The following NRXN1 variants were observed in gnomAD, a reference collection of about 807,000 sequenced individuals.
The protein encoded by NRXN1 is neurexin 1.
In NRXN1, 39 loss-of-function variants were observed where a neutral mutation model predicts 150.9. The observed-to-expected ratio is 0.26, with a 90% confidence interval of 0.20 to 0.34. The LOEUF is 0.34. Ranked by LOEUF, NRXN1 falls within the 10% of genes least tolerant of loss-of-function variation. The pLI, the probability that NRXN1 is intolerant of heterozygous loss-of-function variation, is 1.00. For missense variants in NRXN1, 1,815 were observed against 1,949.9 expected (o/e 0.93, Z 1.30); for synonymous variants, 924 against 757.0 (o/e 1.22, Z -3.62).
intron 5 of NRXN1, among the ~76,000 whole-genome samples, chr2:50,842,998 C>A (rs374199314): frequency 6.6e-6 from 1 of 152,132 alleles, no homozygotes; most frequent in Admixed American, 6.5e-5. Context: ...GAATCCAAAT[C>A]ATTTACAGAT....
At chr2:50,025,236 G>A (rs1431286660) in intron 21 of NRXN1, among the ~76,000 whole-genome samples, 1 of 152,136 alleles carries the variant, frequency 6.6e-6, no homozygotes, top group Non-Finnish European at 1.5e-5. Context: ...CCTTTTAACT[G>A]CATATTCCTA....
At chr2:50,767,606 C>A (rs1051330258) in intron 5 of NRXN1, among the ~76,000 whole-genome samples, 1 of 152,030 alleles carries the variant, frequency 6.6e-6, no homozygotes, top group Admixed American at 6.6e-5. Flanking sequence ...TTGAGAAGGT[C>A]ATAGTCAAGT....
chr2:50,391,459 T>C (rs1043215253), intron 17 of NRXN1, among the ~76,000 whole-genome samples: 1 of 152,180 alleles, frequency 6.6e-6, no homozygotes, highest in Non-Finnish European at 1.5e-5. Flanking sequence ...AGAGAATCCA[T>C]GTGTTTCAAA....
intron 8 of NRXN1, among the ~76,000 whole-genome samples, chr2:50,614,860 T>C (rs1325898148): frequency 6.6e-6 from 1 of 151,048 alleles, no homozygotes; most frequent in Non-Finnish European, 1.5e-5. Context: ...AGAAGAAAGA[T>C]AGGGATTAAG....
intron 5 of NRXN1, among the ~76,000 whole-genome samples, chr2:50,838,764 T>A (rs1011011040): frequency 6.6e-6 from 1 of 151,994 alleles, no homozygotes; most frequent in Admixed American, 6.6e-5. Context: ...CAGAGAATAA[T>A]CATCCTAGAG....
chr2:50,420,545 G>A (rs1367222162), intron 17 of NRXN1, among the ~76,000 whole-genome samples: 1 of 152,002 alleles, frequency 6.6e-6, no homozygotes, highest in Non-Finnish European at 1.5e-5. Flanking sequence ...CTGGCCAATG[G>A]AGAAACAAAT....
At chr2:50,480,925 G>T (rs2090410495) in intron 15 of NRXN1, among the ~76,000 whole-genome samples, 1 of 152,044 alleles carries the variant, frequency 6.6e-6, no homozygotes, top group Non-Finnish European at 1.5e-5. Flanking sequence ...AGAAAAAACA[G>T]CTCTGACTTC....
intron 16 of NRXN1, among the ~76,000 whole-genome samples, chr2:50,467,552 A>T (rs1393231483): frequency 6.6e-6 from 1 of 151,502 alleles, no homozygotes; most frequent in Non-Finnish European, 1.5e-5. Context: ...TTTGTATTAT[A>T]AATTTTTAGT....
At chr2:50,582,472 C>T (rs1245893836) in intron 8 of NRXN1, among the ~76,000 whole-genome samples, 3 of 79,882 alleles carry the variant, frequency 3.8e-5, no homozygotes, top group Non-Finnish European at 6.5e-5. Flanking sequence ...GAGTGAGACT[C>T]GTCTCCAAAA....
chr2:50,621,645 T>C (rs1573829898), intron 6 of NRXN1, among the ~76,000 whole-genome samples: 1 of 152,120 alleles, frequency 6.6e-6, no homozygotes, highest in East Asian at 1.9e-4. Context: ...TGCAGCCCTA[T>C]GCCCATACTT....
chr2:50,103,667 G>A (rs1701273304), intron 18 of NRXN1, among the ~76,000 whole-genome samples: 1 of 152,012 alleles, frequency 6.6e-6, no homozygotes, highest in Non-Finnish European at 1.5e-5. Context: ...GTAACTCATG[G>A]ACGTTTTGAA....
intron 17 of NRXN1, among the ~76,000 whole-genome samples, chr2:50,360,185 T>C (rs533284673): frequency 3.3e-5 from 5 of 152,332 alleles, no homozygotes; most frequent in African/African-American, 1.2e-4. Flanking sequence ...CCATTGGCAC[T>C]ATGAAGAAAC....
chr2:50,936,286 TACACA>T (rs1457480511), intron 2 of NRXN1, among the ~76,000 whole-genome samples: 1 of 152,142 alleles, frequency 6.6e-6, no homozygotes, highest in Non-Finnish European at 1.5e-5. Flanking sequence ...TGAAAGAGAT[TACACA>T]ACATAATGAG....
chr2:50,411,994 C>T (rs1467505210), intron 17 of NRXN1, among the ~76,000 whole-genome samples: 6 of 152,202 alleles, frequency 3.9e-5, no homozygotes, highest in Non-Finnish European at 8.8e-5. Context: ...CCTTGGGATG[C>T]TGTTGATCTA....
In NRXN1 at chr2:50,029,057, G is replaced by A. The variant is rs1042571770; in HGVS notation, c.4128+24214C>T. On this transcript the variant is annotated intron_variant, in intron 21 of 22. Transcript: ENST00000401669. ...CCTCAATCTGATGTTATTAGGAGGT[G>A]AAGTCTTTGAGCAGTGATTAGGTGT... 2.6e-5 allele frequency among the ~76,000 whole-genome samples: 4 copies of A among 152,206 alleles called. No homozygotes were observed. In the South Asian group the frequency reaches 8.3e-4, roughly 32 times the overall value.
intron 17 of NRXN1, among the ~76,000 whole-genome samples, chr2:50,420,030 TAA>T (rs1558699330): frequency 6.6e-6 from 1 of 152,004 alleles, no homozygotes; most frequent in Non-Finnish European, 1.5e-5. Flanking sequence ...ACAGCAGAGA[TAA>T]AGAGGATTTG....
chr2:50,855,241 C>T lies in NRXN1; in HGVS notation c.832+66628G>A, dbSNP rs1039433101. ...GACTTCATAAAGAAAACTCACTTTGCTTTGAAAGTATCTTAAAGTATAAAA... is the reference window on the plus strand; with the variant it reads ...GACTTCATAAAGAAAACTCACTTTGTTTTGAAAGTATCTTAAAGTATAAAA... On this transcript the variant is annotated intron_variant, in intron 5 of 22. Transcript: ENST00000401669. Among the ~76,000 whole-genome samples the T allele has an allele frequency of 5.9e-5, 9 of 151,974 alleles. No individual in the cohort carries two copies. In the East Asian group the frequency reaches 1.5e-3, roughly 26 times the overall value.
intron 17 of NRXN1, among the ~76,000 whole-genome samples, chr2:50,341,075 A>C (rs2077518235): frequency 6.6e-6 from 1 of 152,232 alleles, no homozygotes; most frequent in South Asian, 2.1e-4. Flanking sequence ...ATTGGAGTAC[A>C]GGCTTTATGG....
At chr2:50,954,322 G>A (rs1021305398) in intron 2 of NRXN1, among the ~76,000 whole-genome samples, 2 of 152,128 alleles carry the variant, frequency 1.3e-5, no homozygotes, top group Non-Finnish European at 2.9e-5. Context: ...TGAAGGGATG[G>A]CGTTATGTGG....
Sources: gnomAD v4.1 joint callset for allele counts (sites outside exome capture counted in the v4.1 genomes callset) on GRCh38, gnomAD v4.1.1 for gene constraint, MANE v1.5 for transcripts, NCBI Gene and HGNC (gene_info 2026-07-23, HGNC 2026-07-21) for gene names.